ATP2B3: variants seen among roughly 807,000 people sequenced by gnomAD.
ATP2B3 encodes the protein ATPase plasma membrane Ca2+ transporting 3.
In ATP2B3, 12 loss-of-function variants were observed where a neutral mutation model predicts 70.8. That is an observed-to-expected ratio of 0.17 (90% CI 0.11 to 0.27). ATP2B3 has a LOEUF of 0.27. ATP2B3 is among the 10% of genes least tolerant of loss of function. ATP2B3 has a pLI of 1.00. For missense variants in ATP2B3, 858 were observed against 1,118.5 expected, an observed-to-expected ratio of 0.77 and a Z score of 3.32; for synonymous variants, 460 against 497.8, an observed-to-expected ratio of 0.92 and a Z score of 1.01.
In ATP2B3 at chrX:153,557,100, C is replaced by A. The variant is rs1467187853; in HGVS notation, c.2433+77C>A. ...TGTCCCATGGACATTAGCTTTGTAC[C>A]AGGAAGTGGGAGCCAGTGTCGGGGC... On this transcript the variant is annotated intron_variant, in intron 16 of 21. Coordinates refer to ENST00000263519, the MANE Select transcript of ATP2B3 (RefSeq NM_001001344.3). 8 of 996,759 alleles carry A rather than the reference C, an allele frequency of 8.0e-6. No homozygotes were observed. The East Asian group carries it at 2.0e-4, about 25-fold the overall frequency. The allele number at this position is 996,759 out of a possible 1,213,427, so 82.1% of individuals were successfully genotyped here. A position where few individuals can be genotyped will look rare whatever the true frequency, so the allele number is the denominator to read the frequency against.
rs1397501370 is a variant in ATP2B3, at chrX:153,541,535, C to T, written c.385C>T (p.Pro129Ser). ...CTCTCTGGGCCTCTCGTTCTATGCG[C>T]CGCCAGGAGAGGAGAGTGAAGGTAA... ...IVSLGLSFYA[P>S]PGEESEACGN... is the part of the protein sequence containing the mutation. Residue 129 changes from proline (P) to serine (S), a missense_variant, in exon 4 of 22, where the codon CCG becomes TCG. Coordinates refer to ENST00000263519, the MANE Select transcript of ATP2B3 (RefSeq NM_001001344.3). The T allele has an allele frequency of 1.2e-5, 15 of 1,209,432 alleles. No homozygotes were observed. The highest frequency in any genetic ancestry group is 1.7e-5 in the Non-Finnish European group (15 of 895,101).
intron 15 of ATP2B3, 83 bp downstream of exon 15, chrX:153,556,501 C>T (rs1464206260): frequency 4.1e-6 from 4 of 972,317 alleles, no homozygotes; most frequent in Admixed American, 2.8e-5. Flanking sequence ...GGTTCCCAAA[C>T]AGGTCCCCAG....
Position 153,522,805 on chromosome X carries a change from C to A in ATP2B3, c.-127+4254C>A, listed in dbSNP as rs1387470669. Among the ~76,000 whole-genome samples the A allele has an allele frequency of 3.6e-5, 4 of 111,919 alleles. No individual in the cohort carries two copies. In the Admixed American group the frequency reaches 3.8e-4, roughly 11 times the overall value. Reference sequence around the variant, plus strand: ...TAGCACACCCAGCATGGGGCAAAAACCAGATCCGGCCACCGCCTGGTCCTT... The same window carrying A: ...TAGCACACCCAGCATGGGGCAAAAAACAGATCCGGCCACCGCCTGGTCCTT... On this transcript the variant is annotated intron_variant, in intron 2 of 21. Transcript: ENST00000263519.
At chrX:153,565,218 T>C in intron 21 of ATP2B3, 115 bp downstream of exon 21, 1 of 935,392 alleles carries the variant, frequency 1.1e-6, no homozygotes, top group Non-Finnish European at 1.4e-6. Context: ...GGAAACCCTT[T>C]GGTCTTGCTG....
chrX:153,532,530 T>G (rs1350381431), intron 2 of ATP2B3, among the ~76,000 whole-genome samples: 1 of 111,726 alleles, frequency 9.0e-6, no homozygotes, highest in Non-Finnish European at 1.9e-5. Flanking sequence ...GTAATGGGCC[T>G]GGACTTGGGC....
At chrX:153,538,594 G>A (rs782178924) in intron 3 of ATP2B3, among the ~76,000 whole-genome samples, 7 of 112,957 alleles carry the variant, frequency 6.2e-5, no homozygotes, top group Admixed American at 2.8e-4. Context: ...GGGCGGATTC[G>A]CTGGGAGCCG....
At chrX:153,571,760 G>A (rs782769523) in intron 21 of ATP2B3, among the ~76,000 whole-genome samples, 20 of 112,748 alleles carry the variant, frequency 1.8e-4, no homozygotes, top group South Asian at 3.6e-4. Flanking sequence ...GCCCTAAGTG[G>A]CGGATAGCCA....
At chrX:153,549,844 C>T in intron 11 of ATP2B3, 105 bp downstream of exon 11, 3 of 1,077,536 alleles carry the variant, frequency 2.8e-6, no homozygotes, top group Non-Finnish European at 3.7e-6. Flanking sequence ...TAGGCCCCCC[C>T]TTGAGAACTT....
rs374889073 is a variant in ATP2B3, at chrX:153,549,974, C to A, written c.1582-71C>A. 8.5e-6 allele frequency: 10 copies of A among 1,176,748 alleles called. No homozygotes were observed. The East Asian group carries it at 2.1e-4, about 25-fold the overall frequency. ...ATGTGGTGACCACGAGGGGGCAGAG[C>A]TGGGGCTCCAGGGGCAGCATGGAGG... On this transcript the variant is annotated intron_variant, in intron 11 of 21. Coordinates refer to ENST00000263519, the MANE Select transcript of ATP2B3 (RefSeq NM_001001344.3).
At chrX:153,543,718 C>A (rs947326084) in intron 7 of ATP2B3, among the ~76,000 whole-genome samples, 1 of 113,179 alleles carries the variant, frequency 8.8e-6, no homozygotes, top group African/African-American at 3.2e-5. Context: ...CTGCAGCGGG[C>A]GGAGTCCTCA....
intron 3 of ATP2B3, among the ~76,000 whole-genome samples, chrX:153,538,520 TC>T (rs781957889): frequency 8.9e-6 from 1 of 112,977 alleles, no homozygotes; most frequent in East Asian, 2.8e-4. Flanking sequence ...AGAGGTGGGT[TC>T]GCCCGGGAAC....
intron 20 of ATP2B3, among the ~76,000 whole-genome samples, chrX:153,563,477 GGCTGCTGCA>G (rs1230751330): frequency 1.8e-5 from 2 of 112,042 alleles, no homozygotes; most frequent in Admixed American, 1.9e-4. Flanking sequence ...CGGCCACAGG[GGCTGCTGCA>G]GCTGCTGCAG....
At chrX:153,522,813 G>A (rs1035486988) in intron 2 of ATP2B3, among the ~76,000 whole-genome samples, 2 of 111,424 alleles carry the variant, frequency 1.8e-5, no homozygotes, top group African/African-American at 3.3e-5. Flanking sequence ...AACCAGATCC[G>A]GCCACCGCCT....
intron 21 of ATP2B3, among the ~76,000 whole-genome samples, chrX:153,577,343 G>A (rs2090870334): frequency 8.9e-6 from 1 of 112,280 alleles, no homozygotes. Flanking sequence ...ATAGGTTTGA[G>A]CAGGGGCCTG....
intron 7 of ATP2B3, among the ~76,000 whole-genome samples, chrX:153,543,935 G>A (rs1557007761): frequency 1.8e-5 from 2 of 109,887 alleles, no homozygotes; most frequent in Non-Finnish European, 3.8e-5. Flanking sequence ...GGGCCAGTGC[G>A]CGGGGTGTGG....
chrX:153,545,649 C>T (rs1461500664), intron 7 of ATP2B3, among the ~76,000 whole-genome samples: 2 of 112,624 alleles, frequency 1.8e-5, no homozygotes, highest in East Asian at 2.8e-4. Context: ...AACTGCTGGA[C>T]GTGACTGCAG....
intron 7 of ATP2B3, among the ~76,000 whole-genome samples, chrX:153,545,699 T>G (rs1454705337): frequency 8.9e-6 from 1 of 112,329 alleles, no homozygotes; most frequent in Non-Finnish European, 1.9e-5. Context: ...GGGTGCTGTC[T>G]GCCTGGCTTC....
chrX:153,575,714 G>A (rs1238734035), intron 21 of ATP2B3, among the ~76,000 whole-genome samples: 1 of 112,421 alleles, frequency 8.9e-6, no homozygotes, highest in East Asian at 2.8e-4. Context: ...CCGGAGCCGA[G>A]AGGCTGTTAG....
At chrX:153,569,863 G>T (rs895490573) in intron 21 of ATP2B3, 2 of 936,374 alleles carry the variant, frequency 2.1e-6, no homozygotes, top group Non-Finnish European at 3.0e-6. Flanking sequence ...GCTCACCGTG[G>T]CTTTTCTGTT....
Sources: gnomAD v4.1 joint callset for allele counts (sites outside exome capture counted in the v4.1 genomes callset) on GRCh38, gnomAD v4.1.1 for gene constraint, MANE v1.5 for transcripts, NCBI Gene and HGNC (gene_info 2026-07-23, HGNC 2026-07-21) for gene names.